The following GNAL variants were observed in gnomAD, a reference collection of about 807,000 sequenced individuals.
GNAL encodes the protein G protein subunit alpha L.
Under a neutral mutation model 55.1 loss-of-function variants are expected in GNAL, and 18 were observed. That is an observed-to-expected ratio of 0.33 (90% confidence interval 0.23 to 0.48). GNAL has a LOEUF of 0.48. Ranked by LOEUF, GNAL falls within the 20% of genes least tolerant of loss-of-function variation. The pLI is 0.99. For synonymous variants in GNAL, 253 were observed against 237.0 expected (o/e 1.07, Z -0.62); for missense variants, 412 against 614.1 (o/e 0.67, Z 3.48).
intron 9 of GNAL, among the ~76,000 whole-genome samples, chr18:11,870,160 G>A (rs886386645): frequency 3.3e-5 from 5 of 152,164 alleles, no homozygotes; most frequent in African/African-American, 1.2e-4. Context: ...TCCCCCACGG[G>A]TATCAAGGGA....
chr18:11,702,033 C>G (rs992283947), intron 1 of GNAL: 1 of 152,150 alleles, frequency 6.6e-6, no homozygotes, highest in African/African-American at 2.4e-5. Flanking sequence ...AAAAGGGAAC[C>G]TTTGACTTGG....
In GNAL at chr18:11,885,518, G is replaced by T; in HGVS notation, c.*4383G>T. ...CATGCTGATTGGTTCCCGGAAGGGTGTTTGGCAAGGGGCAGTGTATGGAGC... is the reference window on the plus strand; with the variant it reads ...CATGCTGATTGGTTCCCGGAAGGGTTTTTGGCAAGGGGCAGTGTATGGAGC... On this transcript the variant is annotated 3_prime_UTR_variant, in exon 12 of 12. Coordinates refer to ENST00000334049, the MANE Select transcript of GNAL (RefSeq NM_182978.4). 1 of 844,926 alleles carries T rather than the reference G, an allele frequency of 1.2e-6. No individual in the cohort carries two copies. The highest frequency in any genetic ancestry group is 1.8e-6 in the Non-Finnish European group (1 of 547,474). The allele number at this position is 844,926 out of a possible 1,614,324, so 52.3% of individuals were successfully genotyped here. A position where few individuals can be genotyped will look rare whatever the true frequency, so the allele number is the denominator to read the frequency against.
In GNAL at chr18:11,751,500, G is replaced by A; in HGVS notation, c.377-1353G>A. ...CTAGAAGCTGAGCAGAACAAAGGCG[G>A]TGTGACTGGTGAGCCTCGGAGGGAT... On this transcript the variant is annotated intron_variant, in intron 1 of 11. Coordinates refer to ENST00000334049, the MANE Select transcript of GNAL (RefSeq NM_182978.4). This position sits in a 1 kb window ranked among gnomAD's most constrained non-coding sequence, Gnocchi z 4.5. 1.0e-6 allele frequency: 1 copy of A among 985,454 alleles called. No homozygotes were observed. Among genetic ancestry groups the A allele is most frequent in the Non-Finnish European group, 1.2e-6 (1 of 829,914 alleles). The allele number at this position is 985,454 out of a possible 1,614,324, so 61.0% of individuals were successfully genotyped here. A position where few individuals can be genotyped will look rare whatever the true frequency, so the allele number is the denominator to read the frequency against.
At chr18:11,832,752 C>T (rs907629564) in intron 5 of GNAL, among the ~76,000 whole-genome samples, 1 of 151,650 alleles carries the variant, frequency 6.6e-6, no homozygotes, top group South Asian at 2.1e-4. Context: ...CCCAGCTACT[C>T]GGGAGGCTGA....
intron 5 of GNAL, chr18:11,851,882 C>T (rs2035878136): frequency 1.9e-6 from 3 of 1,613,868 alleles, no homozygotes; most frequent in Non-Finnish European, 2.5e-6. Flanking sequence ...CAGTTTGAGA[C>T]TCTGGACGTC....
intron 4 of GNAL, among the ~76,000 whole-genome samples, chr18:11,774,359 T>C (rs1253685698): frequency 1.3e-5 from 2 of 152,216 alleles, no homozygotes; most frequent in East Asian, 1.9e-4. Context: ...CTGCAGAAAG[T>C]ATTGTGGTCT....
chr18:11,701,303 A>G (rs954483275), intron 1 of GNAL, among the ~76,000 whole-genome samples: 30 of 152,090 alleles, frequency 2.0e-4, no homozygotes, highest in Admixed American at 6.6e-5. Flanking sequence ...ACAAATGCAT[A>G]ATGCTGGCCA....
At chr18:11,872,969 G>C (rs2036431304) in intron 10 of GNAL, among the ~76,000 whole-genome samples, 1 of 152,178 alleles carries the variant, frequency 6.6e-6, no homozygotes, top group Non-Finnish European at 1.5e-5. Flanking sequence ...TTCCAGCAGG[G>C]CCAGCAGCCA....
At chr18:11,776,888 C>T (rs2033800721) in intron 4 of GNAL, among the ~76,000 whole-genome samples, 2 of 152,090 alleles carry the variant, frequency 1.3e-5, no homozygotes, top group Admixed American at 1.3e-4. Flanking sequence ...CTTCTCTACC[C>T]TTCGAGCTGA....
intron 1 of GNAL, among the ~76,000 whole-genome samples, chr18:11,712,579 A>G (rs2031863971): frequency 6.6e-6 from 1 of 152,222 alleles, no homozygotes; most frequent in Non-Finnish European, 1.5e-5. Flanking sequence ...TTATTACATA[A>G]TTTAAACTCA....
intron 1 of GNAL, among the ~76,000 whole-genome samples, chr18:11,731,184 G>C (rs145032301): frequency 6.6e-6 from 1 of 152,346 alleles, no homozygotes; most frequent in Non-Finnish European, 1.5e-5. Context: ...GTCTCACTCT[G>C]TTGCCCAAGC....
At chr18:11,851,214 G>C (rs1000899948) in intron 5 of GNAL, among the ~76,000 whole-genome samples, 1 of 152,222 alleles carries the variant, frequency 6.6e-6, no homozygotes, top group African/African-American at 2.4e-5. Flanking sequence ...TAAAAACCGG[G>C]TAGAACGCAG....
At position 11,868,458 on chromosome 18, in the gene GNAL, C is replaced by T; in HGVS notation, c.911-85C>T. The stretch of plus-strand genomic sequence containing the variant: ...TCACTGAATGAATGTTTTTGTGGAA[C>T]TGAGTAGCTGCTGGGTGTGTACTTT... On this transcript the variant is annotated intron_variant, in intron 8 of 11. Coordinates refer to ENST00000334049, the MANE Select transcript of GNAL (RefSeq NM_182978.4). The surrounding 1 kb of genome is among the most constrained non-coding windows in gnomAD (Gnocchi z 4.0). The T allele has an allele frequency of 8.8e-7, 1 of 1,132,926 alleles. No individual in the cohort carries two copies. The highest frequency in any genetic ancestry group is 1.3e-6 in the Non-Finnish European group (1 of 786,992). The allele number at this position is 1,132,926 out of a possible 1,614,324, so 70.2% of individuals were successfully genotyped here. A position where few individuals can be genotyped will look rare whatever the true frequency, so the allele number is the denominator to read the frequency against.
chr18:11,855,294 T>G (rs1181405983), intron 5 of GNAL, among the ~76,000 whole-genome samples: 1 of 151,782 alleles, frequency 6.6e-6, no homozygotes, highest in Non-Finnish European at 1.5e-5. Context: ...TTTTTTCACA[T>G]TGAAACTTCC....
intron 11 of GNAL, 52 bp from the exon 12 acceptor site, chr18:11,880,937 C>T: frequency 1.3e-6 from 2 of 1,580,572 alleles, no homozygotes; most frequent in Non-Finnish European, 8.6e-7. Flanking sequence ...AGTCCTTCCC[C>T]AGAGTACATG....
chr18:11,884,763 G>T lies in GNAL; in HGVS notation c.*3628G>T. The T allele has an allele frequency of 7.6e-7, 1 of 1,323,436 alleles. No homozygotes were observed. The allele number at this position is 1,323,436 out of a possible 1,614,324, so 82.0% of individuals were successfully genotyped here. A position where few individuals can be genotyped will look rare whatever the true frequency, so the allele number is the denominator to read the frequency against. ...CAGGGAACGGGCCCTCCTCACCTGA[G>T]ACCAAGGGGGCCCAGCCTTCTCCCT... On this transcript the variant is annotated 3_prime_UTR_variant, in exon 12 of 12. Coordinates refer to ENST00000334049, the MANE Select transcript of GNAL (RefSeq NM_182978.4).
chr18:11,854,741 A>G (rs2035964164), intron 5 of GNAL, among the ~76,000 whole-genome samples: 2 of 152,058 alleles, frequency 1.3e-5, no homozygotes, highest in East Asian at 1.9e-4. Flanking sequence ...AGATTGCGCC[A>G]TTGCACTCTA....
Position 11,872,792 on chromosome 18 carries a change from C to T in GNAL, c.1162+394C>T, listed in dbSNP as rs189784367. Among the ~76,000 whole-genome samples the T allele has an allele frequency of 3.2e-3, 484 of 152,298 alleles. 2 individuals carry two copies. The highest frequency in any genetic ancestry group is 0.011 in the African/African-American group (471 of 41,560). ...GCATGGTAGTTTCTATTATTTTTTC[C>T]CGTGGAAAGAGAGTCTGAGAGAGGA... On this transcript the variant is annotated intron_variant, in intron 10 of 11. Coordinates refer to ENST00000334049, the MANE Select transcript of GNAL (RefSeq NM_182978.4).
At chr18:11,714,416 G>A (rs1279994420) in intron 1 of GNAL, among the ~76,000 whole-genome samples, 1 of 152,322 alleles carries the variant, frequency 6.6e-6, no homozygotes, top group Middle Eastern at 3.4e-3. Flanking sequence ...AGTCTTGTGA[G>A]GCTTTGCTGA....
Sources: gnomAD v4.1 joint callset for allele counts (sites outside exome capture counted in the v4.1 genomes callset) on GRCh38, gnomAD v4.1.1 for gene constraint, Gnocchi (gnomAD v3.1) non-coding constraint, MANE v1.5 for transcripts, NCBI Gene and HGNC (gene_info 2026-07-23, HGNC 2026-07-21) for gene names.